The following CDH18 variants were observed in gnomAD, a reference collection of about 807,000 sequenced individuals.
CDH18 encodes cadherin 18.
CDH18 carries 31 observed loss-of-function variants against 67.9 expected under a neutral mutation model. The observed-to-expected ratio is 0.46, with a 90% CI of 0.34 to 0.62. The LOEUF (loss-of-function observed/expected upper bound fraction) is 0.62, where lower values mean the gene tolerates loss of function less well. CDH18 is among the 20% of genes least tolerant of loss of function. The probability of loss-of-function intolerance (pLI) is 0.01; values close to 1 mark genes in which losing one functional copy is unlikely to be tolerated. For missense variants in CDH18, 890 were observed against 975.5 expected, an observed-to-expected ratio of 0.91 and a Z score of 1.17; for synonymous variants, 362 against 347.2, an observed-to-expected ratio of 1.04 and a Z score of -0.48.
At chr5:20,034,871 G>A (rs916542179) in intron 2 of CDH18, among the ~76,000 whole-genome samples, 1 of 152,002 alleles carries the variant, frequency 6.6e-6, no homozygotes, top group Non-Finnish European at 1.5e-5. Context: ...TGTGGGTTCT[G>A]TTTCTCTAAA....
At chr5:19,725,777 A>G (rs903861998) in intron 4 of CDH18, among the ~76,000 whole-genome samples, 1 of 152,180 alleles carries the variant, frequency 6.6e-6, no homozygotes, top group Admixed American at 6.5e-5. Flanking sequence ...CTCAACAACA[A>G]CAACAACAAA....
rs534271490 is a variant in CDH18 at position 19,906,701 on chromosome 5, C to T, written c.-256-67459G>A. ...AAGTATCCCTGCTCATTCACCTATT[C>T]AAAATAGCAAGAGTGCTATGTAAAC... On this transcript the variant is annotated intron_variant, in intron 2 of 12. Coordinates refer to ENST00000382275, the MANE Select transcript of CDH18 (RefSeq NM_004934.5). Among the ~76,000 whole-genome samples the T allele has an allele frequency of 3.3e-5, 5 of 152,044 alleles. No individual in the cohort carries two copies. In the East Asian group the frequency reaches 9.7e-4, roughly 29 times the overall value.
At chr5:19,660,512 C>T (rs1757015778) in intron 5 of CDH18, among the ~76,000 whole-genome samples, 3 of 152,108 alleles carry the variant, frequency 2.0e-5, no homozygotes, top group Admixed American at 2.0e-4. Flanking sequence ...AGCTAAAATT[C>T]TCAAAGCCAA....
chr5:20,027,813 T>C (rs1739045994), intron 2 of CDH18, among the ~76,000 whole-genome samples: 1 of 152,208 alleles, frequency 6.6e-6, no homozygotes, highest in Admixed American at 6.5e-5. Flanking sequence ...TGAGTCTGAC[T>C]TAAGATAGGG....
intron 11 of CDH18, among the ~76,000 whole-genome samples, chr5:19,484,799 C>G (rs1248000530): frequency 1.3e-5 from 2 of 152,206 alleles, no homozygotes; most frequent in Non-Finnish European, 2.9e-5. Context: ...CTGTGATCTA[C>G]AGATGTTGAT....
intron 4 of CDH18, among the ~76,000 whole-genome samples, chr5:19,746,474 A>C (rs1770011794): frequency 1.3e-5 from 2 of 152,246 alleles, no homozygotes; most frequent in African/African-American, 4.8e-5. Flanking sequence ...AGTTGTATTG[A>C]TTAATGTAGC....
chr5:20,145,075 G>A (rs550273953), intron 2 of CDH18, among the ~76,000 whole-genome samples: 2 of 152,038 alleles, frequency 1.3e-5, no homozygotes, highest in East Asian at 3.9e-4. Flanking sequence ...TACCCTGTTT[G>A]TGCTCTTTGC....
intron 1 of CDH18, among the ~76,000 whole-genome samples, chr5:20,463,407 A>G (rs531169159): frequency 1.3e-5 from 2 of 152,154 alleles, no homozygotes; most frequent in South Asian, 4.1e-4. Context: ...AATACCCGAG[A>G]CTGGGTAATT....
intron 5 of CDH18, among the ~76,000 whole-genome samples, chr5:19,702,002 G>A (rs1454026446): frequency 6.6e-6 from 1 of 151,996 alleles, no homozygotes; most frequent in Non-Finnish European, 1.5e-5. Context: ...TGACCTAAGT[G>A]GCTAATATGG....
At chr5:19,967,339 GA>G (rs1797555485) in intron 2 of CDH18, among the ~76,000 whole-genome samples, 1 of 151,996 alleles carries the variant, frequency 6.6e-6, no homozygotes, top group South Asian at 2.1e-4. Context: ...GTTATAATTA[GA>G]AAAATATAGA....
intron 2 of CDH18, among the ~76,000 whole-genome samples, chr5:19,884,514 A>G (rs1787986775): frequency 1.3e-5 from 2 of 152,152 alleles, no homozygotes; most frequent in South Asian, 2.1e-4. Flanking sequence ...AAAATTATAA[A>G]AAATACATAA....
At chr5:19,891,562 C>T (rs1474263896) in intron 2 of CDH18, among the ~76,000 whole-genome samples, 1 of 152,086 alleles carries the variant, frequency 6.6e-6, no homozygotes, top group South Asian at 2.1e-4. Flanking sequence ...CCAAATTGAT[C>T]AAGATTCCCA....
chr5:19,575,088 T>A (rs796481503), intron 7 of CDH18, among the ~76,000 whole-genome samples: 4 of 152,226 alleles, frequency 2.6e-5, no homozygotes, highest in African/African-American at 9.6e-5. Flanking sequence ...TCATACTTAA[T>A]GAGTGCTATT....
At chr5:20,366,151 A>G (rs1256574299) in intron 1 of CDH18, among the ~76,000 whole-genome samples, 1 of 152,180 alleles carries the variant, frequency 6.6e-6, no homozygotes, top group African/African-American at 2.4e-5. Context: ...TATTATAGTC[A>G]CCTCAAATTT....
intron 7 of CDH18, among the ~76,000 whole-genome samples, chr5:19,589,234 TG>T (rs1744704392): frequency 6.6e-6 from 1 of 152,084 alleles, no homozygotes. Flanking sequence ...AATCCAAAAT[TG>T]TTTTAAATTT....
chr5:20,512,440 T>C (rs988377414), intron 1 of CDH18, among the ~76,000 whole-genome samples: 10 of 152,174 alleles, frequency 6.6e-5, no homozygotes, highest in African/African-American at 2.4e-4. Context: ...AATCTACAAG[T>C]GATCTTATAA....
chr5:20,185,295 C>T (rs77737077), intron 2 of CDH18, among the ~76,000 whole-genome samples: 299 of 152,158 alleles, frequency 2.0e-3, no homozygotes, highest in African/African-American at 6.7e-3. Flanking sequence ...TGCAGTAGTA[C>T]GGTAGCATCC....
chr5:19,830,443 A>T (rs964894856), intron 3 of CDH18, among the ~76,000 whole-genome samples: 2 of 152,136 alleles, frequency 1.3e-5, no homozygotes, highest in South Asian at 4.1e-4. Flanking sequence ...AAAACACACA[A>T]CATCACTAAT....
intron 1 of CDH18, among the ~76,000 whole-genome samples, chr5:20,263,584 T>A (rs2126640498): frequency 6.6e-6 from 1 of 152,322 alleles, no homozygotes; most frequent in African/African-American, 2.4e-5. Flanking sequence ...TGTGAACAAC[T>A]TTTTAAAAAA....
Sources: allele counts gnomAD v4.1 joint callset (sites outside exome capture counted in the v4.1 genomes callset), GRCh38; gene constraint gnomAD v4.1.1; transcripts MANE v1.5; gene names NCBI Gene and HGNC (gene_info 2026-07-23, HGNC 2026-07-21).